The following LEMD3 variants were observed in gnomAD, a reference collection of about 807,000 sequenced individuals.
LEMD3 encodes the protein LEM domain containing 3.
In LEMD3, 33 loss-of-function variants were observed where a neutral mutation model predicts 95.2. That is an observed-to-expected ratio of 0.35 (90% confidence interval 0.26 to 0.46). The LOEUF (loss-of-function observed/expected upper bound fraction) is 0.46, where lower values mean the gene tolerates loss of function less well. Ranked by LOEUF, LEMD3 falls within the 20% of genes least tolerant of loss-of-function variation. The pLI, the probability that LEMD3 is intolerant of heterozygous loss-of-function variation, is 1.00. For synonymous variants in LEMD3, 525 were observed against 474.6 expected, an observed-to-expected ratio of 1.11 and a Z score of -1.38; for missense variants, 1,210 against 1,192.8, an observed-to-expected ratio of 1.01 and a Z score of -0.21.
At chr12:65,208,755 A>C (rs1869838784) in intron 1 of LEMD3, among the ~76,000 whole-genome samples, 1 of 152,058 alleles carries the variant, frequency 6.6e-6, no homozygotes, top group Admixed American at 6.6e-5. Context: ...GTCTCTGTTC[A>C]TTTAATAGGT....
chr12:65,239,847 G>T, intron 6 of LEMD3, 82 bp from the exon 7 acceptor site: 1 of 907,920 alleles, frequency 1.1e-6, no homozygotes, highest in South Asian at 1.4e-5. Flanking sequence ...TCATTCCGTT[G>T]TGGCAGTTAA....
At chr12:65,171,165 G>A (rs1868539130) in intron 1 of LEMD3, 47 bp downstream of exon 1, 1 of 1,601,598 alleles carries the variant, frequency 6.2e-7, no homozygotes, top group Non-Finnish European at 8.5e-7. Context: ...AATGTTGTTA[G>A]TGGTCCGCTT....
At chr12:65,215,935 T>TTTTTTTA in intron 2 of LEMD3, 42 bp from the exon 3 acceptor site, 3 of 872,292 alleles carry the variant, frequency 3.4e-6, no homozygotes, top group South Asian at 3.3e-5. Context: ...GTGTTTTTTT[T>TTTTTTTA]CTTGTAATTG....
At chr12:65,218,494 G>C (rs1870177167) in intron 3 of LEMD3, 58 bp from the exon 4 acceptor site, 6 of 999,096 alleles carry the variant, frequency 6.0e-6, no homozygotes, top group African/African-American at 1.6e-5. Context: ...AATTATGTTT[G>C]TTTTCTTCTG....
chr12:65,204,040 T>C (rs1197498217), intron 1 of LEMD3, among the ~76,000 whole-genome samples: 1 of 152,204 alleles, frequency 6.6e-6, no homozygotes, highest in Non-Finnish European at 1.5e-5. Context: ...GAGGTGGATT[T>C]CTTACAGACA....
At chr12:65,221,179 CTT>C (rs34468551) in intron 4 of LEMD3, among the ~76,000 whole-genome samples, 237 of 123,330 alleles carry the variant, frequency 1.9e-3, no homozygotes, top group Middle Eastern at 4.3e-3. Flanking sequence ...TTTCATTCAG[CTT>C]TTTTTTTTTT....
intron 1 of LEMD3, among the ~76,000 whole-genome samples, chr12:65,183,921 A>G (rs1868981569): frequency 6.6e-6 from 1 of 152,156 alleles, no homozygotes; most frequent in African/African-American, 2.4e-5. Flanking sequence ...TTCTTTAAAC[A>G]TGTAGAATGG....
chr12:65,196,905 G>T (rs1200272466), intron 1 of LEMD3, among the ~76,000 whole-genome samples: 1 of 152,110 alleles, frequency 6.6e-6, no homozygotes, highest in African/African-American at 2.4e-5. Context: ...TTAGACAAAA[G>T]AAATTTAGCA....
At chr12:65,189,905 T>G (rs1012055342) in intron 1 of LEMD3, among the ~76,000 whole-genome samples, 2 of 152,132 alleles carry the variant, frequency 1.3e-5, no homozygotes, top group Admixed American at 1.3e-4. Context: ...ACCTATAGAT[T>G]TGGATGAATT....
At chr12:65,203,159 A>T (rs1446406829) in intron 1 of LEMD3, among the ~76,000 whole-genome samples, 1 of 152,080 alleles carries the variant, frequency 6.6e-6, no homozygotes. Flanking sequence ...TTTCTAATTT[A>T]TGCATTCATT....
At chr12:65,245,382 G>C in intron 10 of LEMD3, 1 of 341,508 alleles carries the variant, frequency 2.9e-6, no homozygotes, top group Non-Finnish European at 5.5e-6. Context: ...CTCATGATCC[G>C]CCTGCCTCGG....
At chr12:65,208,204 T>C (rs958249207) in intron 1 of LEMD3, among the ~76,000 whole-genome samples, 1 of 152,074 alleles carries the variant, frequency 6.6e-6, no homozygotes, top group Non-Finnish European at 1.5e-5. Flanking sequence ...ACTAAAGTAT[T>C]GAAGAAGAAA....
At chr12:65,207,051 T>G (rs1327319553) in intron 1 of LEMD3, among the ~76,000 whole-genome samples, 2 of 152,156 alleles carry the variant, frequency 1.3e-5, no homozygotes, top group Admixed American at 6.6e-5. Context: ...TGTCTCAATA[T>G]TTCTGTCTGC....
Position 65,171,061 on chromosome 12 carries a change from G to A in LEMD3, c.1465G>A (p.Gly489Arg), listed in dbSNP as rs777316626. 1 of 1,614,016 alleles carries A rather than the reference G, an allele frequency of 6.2e-7. No homozygotes were observed. The highest frequency in any genetic ancestry group is 2.2e-5 in the East Asian group (1 of 44,892). ...TGCCTGCTTATTTTTCCTAATACTG[G>A]GACTGACTTACCTAGGAATGAGAGG... is the stretch of plus-strand genomic sequence containing the variant. The part of the protein sequence containing the change: ...TAACLFFLIL[G>R]LTYLGMRGTG... Residue 489 changes from glycine to arginine, a missense_variant, in exon 1 of 13, where the codon GGA becomes AGA. By Grantham distance (125) the Gly-to-Arg change is moderately radical. Coordinates refer to ENST00000308330, the MANE Select transcript of LEMD3 (RefSeq NM_014319.5).
chr12:65,191,210 C>T (rs768844250), intron 1 of LEMD3, among the ~76,000 whole-genome samples: 1 of 151,836 alleles, frequency 6.6e-6, no homozygotes, highest in Admixed American at 6.6e-5. Flanking sequence ...TCCTTGAAGA[C>T]GAAACACTTT....
chr12:65,208,032 A>G (rs1869817392), intron 1 of LEMD3, among the ~76,000 whole-genome samples: 1 of 152,150 alleles, frequency 6.6e-6, no homozygotes, highest in African/African-American at 2.4e-5. Flanking sequence ...CCTTGCAACA[A>G]GGTGTGATTA....
intron 1 of LEMD3, among the ~76,000 whole-genome samples, chr12:65,179,382 C>T (rs1868832037): frequency 1.3e-5 from 2 of 152,014 alleles, no homozygotes; most frequent in Admixed American, 6.6e-5. Context: ...GCTTGCTTCT[C>T]CTTGCTCATT....
Position 65,171,133 on chromosome 12 carries a change from C to T in LEMD3, c.1522+15C>T. On this transcript the variant is annotated intron_variant, in intron 1 of 12. Coordinates refer to ENST00000308330, the MANE Select transcript of LEMD3 (RefSeq NM_014319.5). Reference sequence around the variant, plus strand: ...AGAACTCAGCAGTAAGTATTAAATCCTGTGGGTAAGGTAACAAAGAGAATG... The same window carrying T: ...AGAACTCAGCAGTAAGTATTAAATCTTGTGGGTAAGGTAACAAAGAGAATG... 1.2e-6 allele frequency: 2 copies of T among 1,607,254 alleles called. No homozygotes were observed. Among genetic ancestry groups the T allele is most frequent in the Non-Finnish European group, 8.5e-7 (1 of 1,179,996 alleles).
chr12:65,241,606 G>A lies in LEMD3; in HGVS notation c.2305+519G>A, dbSNP rs546335078. Among the ~76,000 whole-genome samples, 7 of 152,044 alleles carry A rather than the reference G, an allele frequency of 4.6e-5. No homozygotes were observed. The South Asian group carries it at 1.2e-3, about 27-fold the overall frequency. On this transcript the variant is annotated intron_variant, in intron 9 of 12. Coordinates refer to ENST00000308330, the MANE Select transcript of LEMD3 (RefSeq NM_014319.5). The stretch of plus-strand genomic sequence containing the variant: ...AATGCCTACATAGTTTCAAAAACAT[G>A]TATAAATAAGAAAGGGGTAAGTTTA...
Sources: allele counts gnomAD v4.1 joint callset (sites outside exome capture counted in the v4.1 genomes callset), GRCh38; gene constraint gnomAD v4.1.1; transcripts MANE v1.5; gene names NCBI Gene and HGNC (gene_info 2026-07-23, HGNC 2026-07-21).